COLEC12: variants seen among roughly 807,000 people sequenced by gnomAD.
The protein encoded by COLEC12 is collectin subfamily member 12, also known as collectin-12.
In COLEC12, 33 loss-of-function variants were observed where a neutral mutation model predicts 71.1. The ratio of observed to expected loss-of-function variants is 0.46; its 90% confidence interval spans 0.35 to 0.62. COLEC12 has a LOEUF of 0.62. Ranked by LOEUF, COLEC12 falls within the 20% of genes least tolerant of loss-of-function variation. The pLI, the probability that COLEC12 is intolerant of heterozygous loss-of-function variation, is 0.00. For missense variants in COLEC12, 765 were observed against 916.1 expected (o/e 0.84, Z 2.13); for synonymous variants, 350 against 353.0 (o/e 0.99, Z 0.10).
At chr18:328,019 T>G (rs1323891253) in intron 8 of COLEC12, among the ~76,000 whole-genome samples, 1 of 152,112 alleles carries the variant, frequency 6.6e-6, no homozygotes. Context: ...CTCGTTTTTT[T>G]AAGAGATGGG....
At chr18:387,577 G>A (rs1915372211) in intron 2 of COLEC12, among the ~76,000 whole-genome samples, 1 of 152,018 alleles carries the variant, frequency 6.6e-6, no homozygotes, top group Non-Finnish European at 1.5e-5. Flanking sequence ...ATGACATAGT[G>A]CAATCCTTCT....
chr18:373,592 G>T (rs921758476), intron 2 of COLEC12, among the ~76,000 whole-genome samples: 1 of 152,182 alleles, frequency 6.6e-6, no homozygotes, highest in African/African-American at 2.4e-5. Context: ...CAGGGCATGG[G>T]ATCAGTCATT....
chr18:480,841 G>T lies in COLEC12; in HGVS notation c.8-84C>A. ...GGGGCAGGATGCGACCTGCTTCATC[G>T]CCCCTGCTTGTCACAGCAGCTTTCC... On this transcript the variant is annotated intron_variant, in intron 1 of 9. Coordinates refer to ENST00000400256, the MANE Select transcript of COLEC12 (RefSeq NM_130386.3). The surrounding 1 kb of genome is among the most constrained non-coding windows in gnomAD (Gnocchi z 4.1). 1.7e-6 allele frequency: 2 copies of T among 1,145,238 alleles called. No homozygotes were observed. The highest frequency in any genetic ancestry group is 1.3e-6 in the Non-Finnish European group (1 of 752,740). 70.9% of individuals were successfully genotyped at this position (1,145,238 alleles called of 1,614,324 possible).
At chr18:407,196 T>A (rs1915808027) in intron 2 of COLEC12, among the ~76,000 whole-genome samples, 1 of 152,230 alleles carries the variant, frequency 6.6e-6, no homozygotes, top group Non-Finnish European at 1.5e-5. Context: ...TTTCTTTGAT[T>A]TTGTCTCTAG....
intron 2 of COLEC12, among the ~76,000 whole-genome samples, chr18:472,716 G>A (rs1917226248): frequency 6.8e-6 from 1 of 146,984 alleles, no homozygotes; most frequent in African/African-American, 2.5e-5. Context: ...AGAAGAAGAA[G>A]GAAAACAACA....
chr18:492,496 A>T (rs1001076052), intron 1 of COLEC12, among the ~76,000 whole-genome samples: 1 of 152,206 alleles, frequency 6.6e-6, no homozygotes, highest in Admixed American at 6.5e-5. Flanking sequence ...TTCATCATTC[A>T]TAGGTGATTA....
At chr18:425,392 C>T (rs1005628505) in intron 2 of COLEC12, among the ~76,000 whole-genome samples, 3 of 152,160 alleles carry the variant, frequency 2.0e-5, no homozygotes, top group Admixed American at 6.5e-5. Context: ...ATTTCAGTGT[C>T]ACATCCTAGA....
intron 2 of COLEC12, among the ~76,000 whole-genome samples, chr18:432,552 T>G (rs1916325167): frequency 1.3e-5 from 2 of 152,132 alleles, no homozygotes; most frequent in South Asian, 4.1e-4. Context: ...AAAATTTGGG[T>G]GTATCATGAA....
chr18:334,661 G>T, intron 6 of COLEC12, 81 bp downstream of exon 6: 1 of 1,238,836 alleles, frequency 8.1e-7, no homozygotes. Flanking sequence ...AACATGGGTG[G>T]GGCCACACAC....
intron 3 of COLEC12, among the ~76,000 whole-genome samples, chr18:355,047 GCATC>G (rs112034077): frequency 0.1 from 15,171 of 150,272 alleles, 2,137 homozygotes; most frequent in African/African-American, 0.32. Flanking sequence ...ATCCATCCAT[GCATC>G]CATCCATCCA....
chr18:463,761 C>A (rs574506099), intron 2 of COLEC12, among the ~76,000 whole-genome samples: 2 of 152,192 alleles, frequency 1.3e-5, no homozygotes, highest in African/African-American at 4.8e-5. Flanking sequence ...GCTTATTCAC[C>A]GGTGACAGCC....
At chr18:396,836 GATGATTAA>G (rs1316864652) in intron 2 of COLEC12, among the ~76,000 whole-genome samples, 4 of 152,222 alleles carry the variant, frequency 2.6e-5, no homozygotes, top group Non-Finnish European at 4.4e-5. Context: ...GCCACACTTG[GATGATTAA>G]ATGCAAGAGG....
At chr18:324,485 A>AACAC (rs56732220) in intron 8 of COLEC12, among the ~76,000 whole-genome samples, 39,754 of 151,532 alleles carry the variant, frequency 0.26, 5,418 homozygotes, top group African/African-American at 0.28. Flanking sequence ...GTAAGCTGGA[A>AACAC]ACACACACAC....
At chr18:405,357 G>T (rs1330796322) in intron 2 of COLEC12, among the ~76,000 whole-genome samples, 1 of 152,070 alleles carries the variant, frequency 6.6e-6, no homozygotes, top group Non-Finnish European at 1.5e-5. Context: ...GCCCTTTGAA[G>T]CGTGTGATCT....
intron 3 of COLEC12, among the ~76,000 whole-genome samples, chr18:349,213 G>A (rs1042132976): frequency 1.3e-5 from 2 of 152,214 alleles, no homozygotes; most frequent in Admixed American, 6.5e-5. Flanking sequence ...CCCATGCTGT[G>A]TGCAGCCTAG....
chr18:324,060 T>C lies in COLEC12; in HGVS notation c.2064-2253A>G, dbSNP rs546389158. Among the ~76,000 whole-genome samples, 5 of 152,216 alleles carry C rather than the reference T, an allele frequency of 3.3e-5. No homozygotes were observed. The South Asian group carries it at 1.0e-3, about 32-fold the overall frequency. On this transcript the variant is annotated intron_variant, in intron 8 of 9. Transcript: ENST00000400256. ...TTCTGTGGCCATAAGCGGAGGTGAC[T>C]GCAGTAGGCCAGAATGGGTGGAAAG...
Position 348,218 on chromosome 18 carries a change from C to T in COLEC12, c.182-55G>A, listed in dbSNP as rs560021019. The stretch of plus-strand genomic sequence containing the variant: ...ACATATCTGCTCATATTTTATTTTT[C>T]AGTTTCAAAACAAGAGATCATTTCA... On this transcript the variant is annotated intron_variant, in intron 3 of 9. Coordinates refer to ENST00000400256, the MANE Select transcript of COLEC12 (RefSeq NM_130386.3). 1.8e-4 allele frequency: 206 copies of T among 1,126,144 alleles called. 3 individuals carry two copies. In the South Asian group the frequency reaches 2.6e-3, roughly 14 times the overall value. 69.8% of individuals were successfully genotyped at this position (1,126,144 alleles called of 1,614,324 possible).
chr18:455,396 A>G (rs35067965), intron 2 of COLEC12, among the ~76,000 whole-genome samples: 48,734 of 150,552 alleles, frequency 0.32, 7,878 homozygotes, highest in African/African-American at 0.36. Context: ...TCCTGCCTCA[A>G]CCTCCTGAGT....
chr18:475,484 T>G (rs1017449950), intron 2 of COLEC12, among the ~76,000 whole-genome samples: 1 of 152,124 alleles, frequency 6.6e-6, no homozygotes, highest in African/African-American at 2.4e-5. Flanking sequence ...AAGCCAGGCT[T>G]CCAGGAAGAG....
Sources: gnomAD v4.1 joint callset for allele counts (sites outside exome capture counted in the v4.1 genomes callset) on GRCh38, gnomAD v4.1.1 for gene constraint, Gnocchi (gnomAD v3.1) non-coding constraint, MANE v1.5 for transcripts, NCBI Gene and HGNC (gene_info 2026-07-23, HGNC 2026-07-21) for gene names.